The following MAPK10 variants were observed in gnomAD, a reference collection of about 807,000 sequenced individuals.
MAPK10 encodes mitogen-activated protein kinase 10.
Under a neutral mutation model 59.3 loss-of-function variants are expected in MAPK10, and 25 were observed. That is an observed-to-expected ratio of 0.42 (90% CI 0.31 to 0.59). The LOEUF is 0.59. MAPK10 is among the 20% of genes least tolerant of loss of function. The pLI, the probability that MAPK10 is intolerant of heterozygous loss-of-function variation, is 0.15. For missense variants in MAPK10, 351 were observed against 568.9 expected, an observed-to-expected ratio of 0.62 and a Z score of 3.90; for synonymous variants, 190 against 200.5, an observed-to-expected ratio of 0.95 and a Z score of 0.44.
chr4:86,579,915 G>T (rs1161981960), intron 1 of MAPK10, among the ~76,000 whole-genome samples: 1 of 152,124 alleles, frequency 6.6e-6, no homozygotes, highest in Non-Finnish European at 1.5e-5. Context: ...CTAGGCTCAA[G>T]TGATCCTCCC....
At chr4:86,183,371 T>G (rs1209733151) in intron 3 of MAPK10, among the ~76,000 whole-genome samples, 2 of 149,270 alleles carry the variant, frequency 1.3e-5, no homozygotes, top group African/African-American at 4.9e-5. Flanking sequence ...TTCCCATCTA[T>G]GAGTGAGAAC....
At chr4:86,404,472 C>T (rs887823089) in intron 1 of MAPK10, among the ~76,000 whole-genome samples, 4 of 152,178 alleles carry the variant, frequency 2.6e-5, no homozygotes, top group Non-Finnish European at 4.4e-5. Context: ...AATGTACTTA[C>T]CAATGCCTAC....
chr4:86,033,221 T>C (rs1464731545), intron 11 of MAPK10, among the ~76,000 whole-genome samples: 4 of 152,168 alleles, frequency 2.6e-5, no homozygotes, highest in African/African-American at 9.7e-5. Context: ...CAAACTCTGG[T>C]TTTGTAAAGA....
At chr4:86,065,383 C>T (rs2046539181) in intron 10 of MAPK10, 1 of 152,096 alleles carries the variant, frequency 6.6e-6, no homozygotes, top group Non-Finnish European at 1.5e-5. Context: ...TAATGCTACA[C>T]CAGACACTAA....
At chr4:86,032,344 GA>G (rs1232371021) in intron 11 of MAPK10, 34 of 145,814 alleles carry the variant, frequency 2.3e-4, no homozygotes, top group South Asian at 1.3e-3. Flanking sequence ...GATATGGAAA[GA>G]AAAAAAAAAG....
intron 4 of MAPK10, among the ~76,000 whole-genome samples, chr4:86,128,480 T>G (rs2060450490): frequency 6.6e-6 from 1 of 152,092 alleles, no homozygotes; most frequent in African/African-American, 2.4e-5. Context: ...GGTCTCTCAT[T>G]CTTCTCCTTT....
At chr4:86,217,830 G>A (rs2148628752) in intron 2 of MAPK10, among the ~76,000 whole-genome samples, 1 of 151,888 alleles carries the variant, frequency 6.6e-6, no homozygotes, top group South Asian at 2.1e-4. Context: ...AATTTTGATA[G>A]ATCAGTAAAT....
At chr4:86,394,172 G>A (rs758488577) in intron 1 of MAPK10, among the ~76,000 whole-genome samples, 1 of 152,078 alleles carries the variant, frequency 6.6e-6, no homozygotes, top group Non-Finnish European at 1.5e-5. Flanking sequence ...GGGAGGCTGA[G>A]GCAGGAGAAT....
intron 2 of MAPK10, among the ~76,000 whole-genome samples, chr4:86,222,376 A>C (rs1583115385): frequency 6.6e-6 from 1 of 152,264 alleles, no homozygotes; most frequent in East Asian, 1.9e-4. Flanking sequence ...CCGTTTCCTA[A>C]AAATGGCCCT....
At chr4:86,089,089 C>T in intron 9 of MAPK10, 1 of 716,450 alleles carries the variant, frequency 1.4e-6, no homozygotes, top group Non-Finnish European at 2.2e-6. Context: ...GACATTGAGT[C>T]TCATAGAAAC....
At chr4:86,219,778 T>C (rs537750528) in intron 2 of MAPK10, 1 of 152,260 alleles carries the variant, frequency 6.6e-6, no homozygotes, top group East Asian at 1.9e-4. Flanking sequence ...TTTTCAGGTA[T>C]AATATCAATA....
intron 1 of MAPK10, among the ~76,000 whole-genome samples, chr4:86,413,296 A>G (rs1745433574): frequency 6.6e-6 from 1 of 152,076 alleles, no homozygotes; most frequent in Admixed American, 6.5e-5. Context: ...CCAGAGGGGC[A>G]CCCACCTGTA....
intron 9 of MAPK10, chr4:86,080,271 T>C (rs994254851): frequency 4.0e-5 from 6 of 151,294 alleles, no homozygotes; most frequent in Non-Finnish European, 7.4e-5. Context: ...AAGAAATCCA[T>C]GCCTAGTCTC....
At chr4:86,304,008 G>A (rs1193259384) in intron 2 of MAPK10, among the ~76,000 whole-genome samples, 1 of 152,150 alleles carries the variant, frequency 6.6e-6, no homozygotes, top group East Asian at 1.9e-4. Flanking sequence ...GGTCTCTTTA[G>A]TCCATTTCCA....
At chr4:86,200,021 T>C (rs935864683) in intron 2 of MAPK10, among the ~76,000 whole-genome samples, 4 of 152,018 alleles carry the variant, frequency 2.6e-5, no homozygotes, top group African/African-American at 9.7e-5. Flanking sequence ...AGGAAAAAAA[T>C]ACTAACTATA....
chr4:86,305,890 C>T (rs920821782), intron 2 of MAPK10, among the ~76,000 whole-genome samples: 5 of 150,732 alleles, frequency 3.3e-5, no homozygotes, highest in African/African-American at 9.7e-5. Flanking sequence ...TATTGTAATA[C>T]ACTTTTAATC....
At chr4:86,376,979 C>G (rs1050198432) in intron 1 of MAPK10, among the ~76,000 whole-genome samples, 3 of 152,194 alleles carry the variant, frequency 2.0e-5, no homozygotes, top group Admixed American at 6.5e-5. Flanking sequence ...AGTAGCCCAT[C>G]AGAGTCAGTG....
At chr4:86,127,080 T>G (rs28639372) in intron 4 of MAPK10, among the ~76,000 whole-genome samples, 26,965 of 151,910 alleles carry the variant, frequency 0.18, 2,498 homozygotes, top group African/African-American at 0.21. Context: ...TGCACATTAT[T>G]TTGTGTTTGA....
chr4:86,473,173 C>A (rs1346794476), intron 1 of MAPK10, among the ~76,000 whole-genome samples: 1 of 152,102 alleles, frequency 6.6e-6, no homozygotes, highest in South Asian at 2.1e-4. Context: ...CTATTTAGGA[C>A]CTGCAAAAAT....
Sources: gnomAD v4.1 joint callset for allele counts (sites outside exome capture counted in the v4.1 genomes callset) on GRCh38, gnomAD v4.1.1 for gene constraint, MANE v1.5 for transcripts, NCBI Gene and HGNC (gene_info 2026-07-23, HGNC 2026-07-21) for gene names.